The following PDS5A variants were observed in gnomAD, a reference collection of about 807,000 sequenced individuals.
PDS5A encodes PDS5 cohesin associated factor A.
A neutral mutation model predicts 167.1 loss-of-function variants in PDS5A; 42 were observed. That is an observed-to-expected ratio of 0.25 (90% CI 0.20 to 0.33). The LOEUF is 0.33. Ranked by LOEUF, PDS5A falls within the 10% of genes least tolerant of loss-of-function variation. The probability of loss-of-function intolerance (pLI) is 1.00; values close to 1 mark genes in which losing one functional copy is unlikely to be tolerated. For synonymous variants in PDS5A, 553 were observed against 554.6 expected (o/e 1.00, Z 0.04); for missense variants, 1,033 against 1,605.9 (o/e 0.64, Z 6.10).
chr4:39,926,917 A>G, intron 3 of PDS5A, 56 bp from the exon 4 acceptor site: 1 of 1,286,770 alleles, frequency 7.8e-7, no homozygotes, highest in South Asian at 1.8e-5. Context: ...TTCACAACAC[A>G]CTAATAGTAT....
At chr4:39,900,292 C>T (rs1008640426) in intron 14 of PDS5A, 134 bp downstream of exon 14, 40 of 600,418 alleles carry the variant, frequency 6.7e-5, no homozygotes, top group Middle Eastern at 4.1e-4. Context: ...TGGACAACTA[C>T]AGAAATTATA....
In PDS5A at chr4:39,920,242, T is replaced by C. The variant is rs978581539; in HGVS notation, c.735+77A>G. 2.2e-5 allele frequency: 14 copies of C among 624,454 alleles called. No individual in the cohort carries two copies. The East Asian group carries it at 4.1e-4, about 18-fold the overall frequency. 38.7% of individuals were successfully genotyped at this position (624,454 alleles called of 1,614,324 possible). On this transcript the variant is annotated intron_variant, in intron 7 of 32. Coordinates refer to ENST00000303538, the MANE Select transcript of PDS5A (RefSeq NM_001100399.2). ...TATTTATAAGCTAAATAAACTTTTA[T>C]GTAAGAGGTTCTAATAAATTAATAC...
chr4:39,891,132 C>T (rs1383821986), intron 16 of PDS5A, among the ~76,000 whole-genome samples: 2 of 151,582 alleles, frequency 1.3e-5, no homozygotes, highest in Non-Finnish European at 2.9e-5. Context: ...TTCCCAGGTT[C>T]AAACAACTCT....
chr4:39,850,271 C>CAAAAA lies in PDS5A; in HGVS notation c.3087-624_3087-620dup, dbSNP rs1553889621. 4.8e-3 allele frequency among the ~76,000 whole-genome samples: 457 copies of CAAAAA among 94,794 alleles called. 5 individuals carry two copies. Among genetic ancestry groups the CAAAAA allele is most frequent in the African/African-American group, 0.017 (434 of 26,194 alleles). 62.2% of individuals were successfully genotyped at this position (94,794 alleles called of 152,430 possible). ...TGGGTGACAGAGCGAGACTCTCTCT[C>CAAAAA]AAAAAAAAAAAAAAAAGAAATTCGA... On this transcript the variant is annotated intron_variant, in intron 26 of 32. Transcript: ENST00000303538.
intron 2 of PDS5A, among the ~76,000 whole-genome samples, chr4:39,967,275 A>G (rs1730063907): frequency 6.6e-6 from 1 of 152,136 alleles, no homozygotes; most frequent in South Asian, 2.1e-4. Flanking sequence ...ACTGTACTCT[A>G]GCCTGGGCAA....
intron 32 of PDS5A, among the ~76,000 whole-genome samples, chr4:39,836,727 G>T (rs527416813): frequency 6.7e-6 from 1 of 149,078 alleles, no homozygotes; most frequent in South Asian, 2.1e-4. Flanking sequence ...GCCTCCCAAA[G>T]TGTTGGGATT....
chr4:39,874,623 A>G (rs1408609868), intron 19 of PDS5A, among the ~76,000 whole-genome samples: 1 of 152,216 alleles, frequency 6.6e-6, no homozygotes, highest in Non-Finnish European at 1.5e-5. Context: ...AGCCTACTTC[A>G]GGAGACAATT....
intron 3 of PDS5A, among the ~76,000 whole-genome samples, chr4:39,927,359 T>C (rs1291119798): frequency 6.6e-6 from 1 of 152,218 alleles, no homozygotes; most frequent in Non-Finnish European, 1.5e-5. Flanking sequence ...AGTCTTTCAT[T>C]TCTTAATAAG....
intron 26 of PDS5A, among the ~76,000 whole-genome samples, chr4:39,851,495 GC>G (rs1225487966): frequency 6.6e-6 from 1 of 152,068 alleles, no homozygotes; most frequent in Non-Finnish European, 1.5e-5. Flanking sequence ...TCGCCAGGTT[GC>G]CGACTGGTCT....
chr4:39,973,728 G>A, intron 2 of PDS5A: 1 of 1,282,814 alleles, frequency 7.8e-7, no homozygotes. Flanking sequence ...ACCAGCATAT[G>A]CAGAGAATGG....
intron 2 of PDS5A, among the ~76,000 whole-genome samples, chr4:39,942,580 C>G (rs186726680): frequency 6.6e-6 from 1 of 152,080 alleles, no homozygotes; most frequent in Non-Finnish European, 1.5e-5. Context: ...TCATGCACCA[C>G]CACACTCACC....
At position 39,842,909 on chromosome 4, in the gene PDS5A, T is replaced by TATATA. The variant is rs1717167841; in HGVS notation, c.3549-854_3549-853insTATAT. Among the ~76,000 whole-genome samples, 42 of 92,300 alleles carry TATATA rather than the reference T, an allele frequency of 4.6e-4. 3 individuals are homozygous for TATATA. The highest frequency in any genetic ancestry group is 1.9e-3 in the African/African-American group (34 of 18,186). 60.6% of individuals were successfully genotyped at this position (92,300 alleles called of 152,430 possible). A position where few individuals can be genotyped will look rare whatever the true frequency, so the allele number is the denominator to read the frequency against. ...AGAACAATGTAAACTTATCCTATTT[T>TATATA]TATATATATATATATATATATATAT... On this transcript the variant is annotated intron_variant, in intron 30 of 32. Coordinates refer to ENST00000303538, the MANE Select transcript of PDS5A (RefSeq NM_001100399.2).
intron 2 of PDS5A, among the ~76,000 whole-genome samples, chr4:39,956,490 CAAAAAA>C (rs71194945): frequency 1.1e-5 from 1 of 92,334 alleles, no homozygotes; most frequent in African/African-American, 4.5e-5. Flanking sequence ...GAGACTGTCT[CAAAAAA>C]AAAAAAAAAA....
chr4:39,853,639 C>T (rs1370527192), intron 26 of PDS5A, among the ~76,000 whole-genome samples: 1 of 152,116 alleles, frequency 6.6e-6, no homozygotes, highest in African/African-American at 2.4e-5. Flanking sequence ...AAGATCCCAC[C>T]ACCCCATAAA....
At chr4:39,971,433 G>A (rs11733034) in intron 2 of PDS5A, among the ~76,000 whole-genome samples, 4 of 151,366 alleles carry the variant, frequency 2.6e-5, no homozygotes, top group African/African-American at 4.9e-5. Context: ...TGAGATTACA[G>A]GCGTGAGCCA....
At chr4:39,922,881 T>C (rs924016185) in intron 5 of PDS5A, 133 bp from the exon 6 acceptor site, 5 of 1,103,856 alleles carry the variant, frequency 4.5e-6, no homozygotes, top group Non-Finnish European at 4.7e-6. Context: ...TGAGGGACAG[T>C]GCCAATAATG....
At chr4:39,883,367 T>C (rs1219407440) in intron 17 of PDS5A, among the ~76,000 whole-genome samples, 4 of 152,010 alleles carry the variant, frequency 2.6e-5, no homozygotes, top group African/African-American at 9.7e-5. Context: ...TTTTAGTAGA[T>C]ATGGGGTTTC....
chr4:39,829,649 CAA>C (rs150136201), intron 32 of PDS5A, among the ~76,000 whole-genome samples: 7 of 107,890 alleles, frequency 6.5e-5, no homozygotes, highest in African/African-American at 1.1e-4. Flanking sequence ...TTCATCTCCA[CAA>C]AAAAAAAAAA....
chr4:39,916,206 A>G (rs1560480541), intron 8 of PDS5A, among the ~76,000 whole-genome samples: 1 of 83,606 alleles, frequency 1.2e-5, no homozygotes, highest in Non-Finnish European at 3.2e-5. Context: ...AAACAACAAC[A>G]ACAAAAAAAG....
Sources: allele counts gnomAD v4.1 joint callset (sites outside exome capture counted in the v4.1 genomes callset), GRCh38; gene constraint gnomAD v4.1.1; transcripts MANE v1.5; gene names NCBI Gene and HGNC (gene_info 2026-07-23, HGNC 2026-07-21).